TLE4: variants seen among roughly 807,000 people sequenced by gnomAD.
TLE4 encodes the protein TLE family member 4, transcriptional corepressor.
Under a neutral mutation model 92.8 loss-of-function variants are expected in TLE4, and 8 were observed. The observed-to-expected ratio is 0.09, with a 90% CI of 0.05 to 0.16. TLE4 has a LOEUF of 0.16. TLE4 is among the 10% of genes least tolerant of loss of function. The pLI is 1.00. For synonymous variants in TLE4, 371 were observed against 374.1 expected, an observed-to-expected ratio of 0.99 and a Z score of 0.10; for missense variants, 675 against 997.6, an observed-to-expected ratio of 0.68 and a Z score of 4.36.
chr9:79,684,119 G>A (rs930041570), intron 8 of TLE4, among the ~76,000 whole-genome samples: 4 of 152,136 alleles, frequency 2.6e-5, no homozygotes, highest in African/African-American at 7.2e-5. Flanking sequence ...CAATTAAATG[G>A]TTATATTAGT....
In TLE4 at chr9:79,722,355, ATAATTTAAGTAG is replaced by A. The variant is rs1345119203; in HGVS notation, c.1987-93_1987-82del. On this transcript the variant is annotated intron_variant, in intron 17 of 19. Coordinates refer to ENST00000376552, the MANE Select transcript of TLE4 (RefSeq NM_007005.6). Reference sequence around the variant, plus strand: ...AATTCAAATTATCTTGATTTTCTTCATAATTTAAGTAGTATCTACAGAAGAGATAGTACCTCC... The same window carrying A: ...AATTCAAATTATCTTGATTTTCTTCATATCTACAGAAGAGATAGTACCTCC... 5.1e-6 allele frequency: 7 copies of A among 1,373,750 alleles called. No individual in the cohort carries two copies. In the East Asian group the frequency reaches 1.7e-4, roughly 33 times the overall value. The allele number at this position is 1,373,750 out of a possible 1,614,324, so 85.1% of individuals were successfully genotyped here.
intron 17 of TLE4, 118 bp from the exon 18 acceptor site, chr9:79,722,333 T>C (rs1274754052): frequency 1.6e-6 from 2 of 1,280,942 alleles, no homozygotes; most frequent in Non-Finnish European, 2.1e-6. Context: ...CCTGTACAAT[T>C]CAAATTATCT....
chr9:79,573,598 AC>A (rs1233540704), intron 1 of TLE4, 90 bp from the exon 2 acceptor site: 34 of 1,087,368 alleles, frequency 3.1e-5, no homozygotes, highest in Non-Finnish European at 3.8e-5. Context: ...GATGACCCTC[AC>A]CCCCCGCTAA....
rs759031414 is a variant in TLE4, at chr9:79,704,768, T to A, written c.610-15T>A. On this transcript the variant is annotated splice_polypyrimidine_tract_variant and intron_variant, in intron 8 of 19. Transcript: ENST00000376552. ...GATAATTTCTCAACCATGCTTCCTCTCCTTCTAATTCCAGAGCTCTTCAGT... is the reference window on the plus strand; with the variant it reads ...GATAATTTCTCAACCATGCTTCCTCACCTTCTAATTCCAGAGCTCTTCAGT... 1.2e-6 allele frequency: 2 copies of A among 1,603,306 alleles called. No individual in the cohort carries two copies. Among genetic ancestry groups the A allele is most frequent in the South Asian group, 2.3e-5 (2 of 88,558 alleles).
intron 5 of TLE4, among the ~76,000 whole-genome samples, chr9:79,619,775 A>T (rs1251534474): frequency 6.6e-6 from 1 of 152,204 alleles, no homozygotes; most frequent in Non-Finnish European, 1.5e-5. Context: ...AATAATAGAC[A>T]TGGATTGGGG....
intron 4 of TLE4, among the ~76,000 whole-genome samples, chr9:79,607,882 G>A (rs1481953697): frequency 6.6e-6 from 1 of 151,948 alleles, no homozygotes; most frequent in African/African-American, 2.4e-5. Flanking sequence ...GGCAATGCGG[G>A]CTTTTTTTTT....
chr9:79,686,211 G>A (rs182119964), intron 8 of TLE4, among the ~76,000 whole-genome samples: 1 of 152,222 alleles, frequency 6.6e-6, no homozygotes. Context: ...AGGGAGGAGT[G>A]TCCTGGAACC....
At chr9:79,619,496 G>T (rs558828868) in intron 5 of TLE4, among the ~76,000 whole-genome samples, 1 of 152,320 alleles carries the variant, frequency 6.6e-6, no homozygotes, top group East Asian at 1.9e-4. Context: ...TCGCCTTACA[G>T]TCGTGCCAGG....
chr9:79,659,918 T>A (rs555603845), intron 8 of TLE4, among the ~76,000 whole-genome samples: 1 of 152,322 alleles, frequency 6.6e-6, no homozygotes, highest in Non-Finnish European at 1.5e-5. Context: ...AGAATAGAAA[T>A]AGAACTCTAC....
chr9:79,614,070 G>C (rs2048956061), intron 5 of TLE4, among the ~76,000 whole-genome samples: 1 of 152,152 alleles, frequency 6.6e-6, no homozygotes, highest in Non-Finnish European at 1.5e-5. Flanking sequence ...TGAGAGTCAA[G>C]GGGTGTATCT....
At chr9:79,642,355 A>G (rs1415953600) in intron 6 of TLE4, among the ~76,000 whole-genome samples, 1 of 152,006 alleles carries the variant, frequency 6.6e-6, no homozygotes, top group Non-Finnish European at 1.5e-5. Context: ...GCCTGGGCTC[A>G]AGTGATCCTC....
At chr9:79,667,319 C>T (rs1003097756) in intron 8 of TLE4, among the ~76,000 whole-genome samples, 2 of 152,168 alleles carry the variant, frequency 1.3e-5, no homozygotes, top group Non-Finnish European at 2.9e-5. Flanking sequence ...AGGGCCAGGG[C>T]CCACGTCAGG....
chr9:79,638,956 C>T (rs2056574089), intron 6 of TLE4, among the ~76,000 whole-genome samples: 1 of 152,152 alleles, frequency 6.6e-6, no homozygotes, highest in Non-Finnish European at 1.5e-5. Flanking sequence ...ATTCCAGGAG[C>T]TCTTTGCAGG....
At chr9:79,622,989 T>A (rs928509518) in intron 5 of TLE4, among the ~76,000 whole-genome samples, 2 of 152,196 alleles carry the variant, frequency 1.3e-5, no homozygotes, top group Non-Finnish European at 2.9e-5. Flanking sequence ...TATATCTATC[T>A]CTACCCTTAT....
intron 8 of TLE4, among the ~76,000 whole-genome samples, chr9:79,687,407 A>C (rs149260886): frequency 3.9e-5 from 6 of 152,240 alleles, no homozygotes; most frequent in Admixed American, 3.9e-4. Flanking sequence ...CTTCAAAAAT[A>C]TCTCTCAAGT....
intron 8 of TLE4, among the ~76,000 whole-genome samples, chr9:79,692,245 C>A (rs895934301): frequency 6.6e-6 from 1 of 151,760 alleles, no homozygotes; most frequent in African/African-American, 2.4e-5. Flanking sequence ...AGGAAGAGCG[C>A]GACTTCTGAA....
Position 79,574,955 on chromosome 9 carries a change from A to G in TLE4, c.207+19A>G. On this transcript the variant is annotated intron_variant, in intron 3 of 19. Coordinates refer to ENST00000376552, the MANE Select transcript of TLE4 (RefSeq NM_007005.6). ...TGTCATGGTAAGAAAACCATGTCAC[A>G]GATTCAAAGTGCCTATTAGTTTGGA... is the stretch of plus-strand genomic sequence containing the variant. The G allele has an allele frequency of 6.2e-7, 1 of 1,608,982 alleles. No individual in the cohort carries two copies.
intron 4 of TLE4, among the ~76,000 whole-genome samples, chr9:79,595,577 AAG>A (rs2043751372): frequency 6.6e-6 from 1 of 152,204 alleles, no homozygotes; most frequent in South Asian, 2.1e-4. Flanking sequence ...GAATAGACCA[AAG>A]TAGAAGTTCA....
At chr9:79,674,515 A>G (rs1205747107) in intron 8 of TLE4, among the ~76,000 whole-genome samples, 1 of 152,214 alleles carries the variant, frequency 6.6e-6, no homozygotes, top group Non-Finnish European at 1.5e-5. Flanking sequence ...AGCCCCAGCA[A>G]GGGGCCTGCC....
Sources: allele counts gnomAD v4.1 joint callset (sites outside exome capture counted in the v4.1 genomes callset), GRCh38; gene constraint gnomAD v4.1.1; transcripts MANE v1.5; gene names NCBI Gene and HGNC (gene_info 2026-07-23, HGNC 2026-07-21).